Variants in ARID5B observed in about 807,000 individuals in gnomAD.
ARID5B encodes AT-rich interactive domain-containing protein 5B.
In ARID5B, 13 loss-of-function variants were observed where a neutral mutation model predicts 97.2. That is an observed-to-expected ratio of 0.13 (90% CI 0.09 to 0.21). The LOEUF is 0.21. Ranked by LOEUF, ARID5B falls within the 10% of genes least tolerant of loss-of-function variation. The pLI, the probability that ARID5B is intolerant of heterozygous loss-of-function variation, is 1.00. For missense variants in ARID5B, 1,210 were observed against 1,465.3 expected, an observed-to-expected ratio of 0.83 and a Z score of 2.84; for synonymous variants, 556 against 570.3, an observed-to-expected ratio of 0.97 and a Z score of 0.36.
intron 3 of ARID5B, among the ~76,000 whole-genome samples, chr10:61,998,972 C>A (rs1479916822): frequency 6.6e-6 from 1 of 152,226 alleles, no homozygotes; most frequent in African/African-American, 2.4e-5. Context: ...CCCAGACTGG[C>A]AGAGTTGCCA....
At chr10:62,026,512 C>T (rs1227719855) in intron 4 of ARID5B, among the ~76,000 whole-genome samples, 2 of 152,088 alleles carry the variant, frequency 1.3e-5, no homozygotes, top group Non-Finnish European at 2.9e-5. Context: ...TTAAGTACTC[C>T]AATAGAGCTA....
intron 4 of ARID5B, among the ~76,000 whole-genome samples, chr10:62,042,269 G>A (rs997375607): frequency 3.9e-5 from 6 of 152,188 alleles, no homozygotes; most frequent in South Asian, 2.1e-4. Flanking sequence ...GAAACAACAT[G>A]CTTATTCTCA....
chr10:62,060,279 C>T (rs772523456), intron 7 of ARID5B, among the ~76,000 whole-genome samples: 38 of 152,064 alleles, frequency 2.5e-4, no homozygotes, highest in Admixed American at 4.6e-4. Context: ...GTTTGATGTG[C>T]GGGTCTTGGG....
At chr10:62,021,066 A>ATATATATATATC (rs1487253733) in intron 4 of ARID5B, among the ~76,000 whole-genome samples, 3 of 133,338 alleles carry the variant, frequency 2.2e-5, no homozygotes, top group Non-Finnish European at 4.8e-5. Flanking sequence ...ATATATATAT[A>ATATATATATATC]TATCTCAGAA....
chr10:62,022,410 G>C (rs913363636), intron 4 of ARID5B, among the ~76,000 whole-genome samples: 1 of 152,190 alleles, frequency 6.6e-6, no homozygotes, highest in African/African-American at 2.4e-5. Context: ...CTGTGCACTG[G>C]GAGGATGGGG....
chr10:61,917,070 CG>C (rs1007514804), intron 2 of ARID5B, among the ~76,000 whole-genome samples: 14 of 151,168 alleles, frequency 9.3e-5, no homozygotes, highest in African/African-American at 2.9e-4. Flanking sequence ...GGAGGCTAAG[CG>C]GGGAGGATCA....
At chr10:61,940,473 T>A (rs2132796026) in intron 3 of ARID5B, 65 bp downstream of exon 3, 1 of 1,368,250 alleles carries the variant, frequency 7.3e-7, no homozygotes, top group East Asian at 2.5e-5. Context: ...CGGTTGAAGA[T>A]TTTTCTGGAA....
chr10:61,932,791 C>T (rs1844234342), intron 2 of ARID5B, among the ~76,000 whole-genome samples: 1 of 152,156 alleles, frequency 6.6e-6, no homozygotes, highest in African/African-American at 2.4e-5. Flanking sequence ...TATCAACTAA[C>T]TTGACGTAAT....
At chr10:61,964,306 T>C (rs1838514360) in intron 3 of ARID5B, among the ~76,000 whole-genome samples, 1 of 152,094 alleles carries the variant, frequency 6.6e-6, no homozygotes, top group Non-Finnish European at 1.5e-5. Flanking sequence ...GCAGCAGCTA[T>C]TTATTAACCT....
At chr10:61,993,471 T>C (rs1433393179) in intron 3 of ARID5B, among the ~76,000 whole-genome samples, 2 of 152,218 alleles carry the variant, frequency 1.3e-5, no homozygotes, top group Non-Finnish European at 2.9e-5. Flanking sequence ...AACTGCAAGA[T>C]GAATAAGAGC....
intron 2 of ARID5B, among the ~76,000 whole-genome samples, chr10:61,930,722 A>AAAAATAAATAAAT (rs368165490): frequency 7.1e-6 from 1 of 140,358 alleles, no homozygotes; most frequent in Admixed American, 7.2e-5. Context: ...TCCGCCTCAA[A>AAAAATAAATAAAT]AAATAAATAA....
intron 2 of ARID5B, among the ~76,000 whole-genome samples, chr10:61,935,577 G>A (rs1005964616): frequency 2.0e-5 from 3 of 152,026 alleles, no homozygotes; most frequent in South Asian, 2.1e-4. Context: ...TGGAGGGAGA[G>A]GGTGACTACT....
intron 4 of ARID5B, among the ~76,000 whole-genome samples, chr10:62,025,812 A>G (rs983007759): frequency 3.7e-4 from 36 of 98,228 alleles, no homozygotes; most frequent in Admixed American, 1.2e-3. Context: ...AGTGGAAGCG[A>G]AAAAAAAAAA....
chr10:61,923,057 C>G (rs1025949214), intron 2 of ARID5B, among the ~76,000 whole-genome samples: 12 of 152,006 alleles, frequency 7.9e-5, no homozygotes, highest in African/African-American at 2.7e-4. Flanking sequence ...CATGTTAAAC[C>G]TAGTGGGAAC....
chr10:62,038,994 A>T (rs1839600323), intron 4 of ARID5B, among the ~76,000 whole-genome samples: 1 of 152,254 alleles, frequency 6.6e-6, no homozygotes. Context: ...ATCCAAATAA[A>T]GTTATTCTGA....
At chr10:62,083,870 C>A (rs1840248135) in intron 8 of ARID5B, among the ~76,000 whole-genome samples, 1 of 152,168 alleles carries the variant, frequency 6.6e-6, no homozygotes, top group Non-Finnish European at 1.5e-5. Context: ...ATGTTGGGGA[C>A]TTTACAGATG....
chr10:62,010,408 A>T (rs1476236789), intron 4 of ARID5B, among the ~76,000 whole-genome samples: 1 of 152,034 alleles, frequency 6.6e-6, no homozygotes, highest in Non-Finnish European at 1.5e-5. Context: ...TCTTCGCTAG[A>T]CTCTAAGCTC....
chr10:62,052,830 C>G (rs1387008663), intron 5 of ARID5B, among the ~76,000 whole-genome samples: 1 of 152,242 alleles, frequency 6.6e-6, no homozygotes, highest in Admixed American at 6.5e-5. Flanking sequence ...ATGGATCATT[C>G]TTCCACCGTT....
At chr10:62,079,603 T>C (rs1172086954) in intron 8 of ARID5B, among the ~76,000 whole-genome samples, 2 of 152,172 alleles carry the variant, frequency 1.3e-5, no homozygotes, top group Non-Finnish European at 2.9e-5. Flanking sequence ...TTGAGCTAAC[T>C]CTCTCACACT....
Sources: allele counts gnomAD v4.1 joint callset (sites outside exome capture counted in the v4.1 genomes callset), GRCh38; gene constraint gnomAD v4.1.1; transcripts MANE v1.5; gene names NCBI Gene and HGNC (gene_info 2026-07-23, HGNC 2026-07-21).